Variants in MAPK10 observed in about 807,000 individuals in gnomAD.
The protein encoded by MAPK10 is mitogen-activated protein kinase 10.
In MAPK10, 25 loss-of-function variants were observed where a neutral mutation model predicts 59.3. The ratio of observed to expected loss-of-function variants is 0.42; its 90% CI spans 0.31 to 0.59. MAPK10 has a LOEUF of 0.59. Among genes scored for constraint, MAPK10 ranks in the 20% least tolerant of loss-of-function variants. The probability of loss-of-function intolerance (pLI) is 0.15; values close to 1 mark genes in which losing one functional copy is unlikely to be tolerated. For missense variants in MAPK10, 351 were observed against 568.9 expected, an observed-to-expected ratio of 0.62 and a Z score of 3.90; for synonymous variants, 190 against 200.5, an observed-to-expected ratio of 0.95 and a Z score of 0.44.
chr4:86,425,617 A>C (rs1010589986), intron 1 of MAPK10, among the ~76,000 whole-genome samples: 1 of 152,164 alleles, frequency 6.6e-6, no homozygotes, highest in African/African-American at 2.4e-5. Flanking sequence ...TTCCACAGCA[A>C]TGTCACAAAT....
intron 13 of MAPK10, among the ~76,000 whole-genome samples, chr4:86,019,298 A>G (rs530095103): frequency 6.6e-6 from 1 of 152,114 alleles, no homozygotes; most frequent in African/African-American, 2.4e-5. Context: ...AAGCTTATGA[A>G]TTTTTCATGT....
At chr4:86,237,508 C>T (rs138916273) in intron 2 of MAPK10, among the ~76,000 whole-genome samples, 1 of 152,300 alleles carries the variant, frequency 6.6e-6, no homozygotes, top group East Asian at 1.9e-4. Context: ...CACAGCCTCA[C>T]CAGCATCTAT....
chr4:86,218,143 A>G (rs576731495), intron 2 of MAPK10, among the ~76,000 whole-genome samples: 1 of 152,332 alleles, frequency 6.6e-6, no homozygotes, highest in Non-Finnish European at 1.5e-5. Context: ...TAAAAGGCCA[A>G]AATTAGTGCC....
chr4:86,538,238 C>A (rs541725087), intron 1 of MAPK10, among the ~76,000 whole-genome samples: 81 of 152,246 alleles, frequency 5.3e-4, no homozygotes, highest in Non-Finnish European at 9.9e-4. Flanking sequence ...CCTCTGCCTC[C>A]CAGGTTCAAG....
chr4:86,072,099 G>A (rs1192694339), intron 9 of MAPK10, among the ~76,000 whole-genome samples: 1 of 149,760 alleles, frequency 6.7e-6, no homozygotes, highest in South Asian at 2.1e-4. Flanking sequence ...CCTTGAAGAG[G>A]TCCTTCACAT....
At chr4:86,594,070 T>A (rs1455353506) in exon 1 of MAPK10, 1 of 152,278 alleles carries the variant, frequency 6.6e-6, no homozygotes, top group African/African-American at 2.4e-5. Flanking sequence ...CCTGAGCCTC[T>A]GGCTAGTCCG....
At position 86,507,655 on chromosome 4, in the gene MAPK10, T is replaced by TATAC. The variant is rs1554274997; in HGVS notation, c.-263+86254_-263+86255insGTAT. Among the ~76,000 whole-genome samples, 400 of 71,260 alleles carry TATAC rather than the reference T, an allele frequency of 5.6e-3. 22 individuals are homozygous for TATAC. The highest frequency in any genetic ancestry group is 0.012 in the South Asian group (25 of 2,004). 46.7% of individuals were successfully genotyped at this position (71,260 alleles called of 152,430 possible). ...ATATATATATATATATATATATATATATATATATATATATATAAAATCATG... is the reference window on the plus strand; with the variant it reads ...ATATATATATATATATATATATATATATACATATATATATATATATAAAATCATG... On this transcript the variant is annotated intron_variant, in intron 1 of 4. Coordinates refer to the MAPK10 transcript ENST00000502302.
intron 1 of MAPK10, among the ~76,000 whole-genome samples, chr4:86,499,012 C>T (rs946094778): frequency 6.6e-6 from 1 of 152,194 alleles, no homozygotes; most frequent in Admixed American, 6.5e-5. Context: ...TGGAATGGAT[C>T]ATTTGCTTTT....
Position 86,107,311 on chromosome 4 carries a change from T to C in MAPK10, c.278A>G (p.Lys93Arg). Residue 93 changes from lysine to arginine, a missense_variant, in exon 5 of 14, where the codon AAG (lysine) becomes AGG (arginine). By Grantham distance (26) the Lys-to-Arg change is conservative. Transcript: ENST00000641462. The stretch of plus-strand genomic sequence containing the variant: ...GTTCTGAAAGGGTCTGCTGAGCTTC[T>C]TAATGGCCACATTTCTGTCAAGGAC... ...DAVLDRNVAI[K>R]KLSRPFQNQT... is the part of the protein sequence containing the mutation. 6.2e-7 allele frequency: 1 copy of C among 1,613,348 alleles called. No homozygotes were observed. Among genetic ancestry groups the C allele is most frequent in the Non-Finnish European group, 8.5e-7 (1 of 1,179,502 alleles).
At chr4:86,505,356 A>G (rs1755662786) in intron 1 of MAPK10, among the ~76,000 whole-genome samples, 1 of 152,120 alleles carries the variant, frequency 6.6e-6, no homozygotes, top group African/African-American at 2.4e-5. Flanking sequence ...CACACCTATA[A>G]TCTCAACATT....
rs372590375 is a variant in MAPK10 at position 86,498,309 on chromosome 4, A to G, written c.-263+95601T>C. Among the ~76,000 whole-genome samples, 30 of 152,382 alleles carry G rather than the reference A, an allele frequency of 2.0e-4. No homozygotes were observed. The South Asian group carries it at 5.4e-3, about 27-fold the overall frequency. On this transcript the variant is annotated intron_variant, in intron 1 of 4. Transcript: ENST00000502302. The stretch of plus-strand genomic sequence containing the variant: ...CAGTCCTAGGAAACCTACTGTTACC[A>G]CACAACTGAGCCACATTCTTCAATA...
In MAPK10 at chr4:86,267,700, G is replaced by C. The variant is rs1374237576; in HGVS notation, c.-6-73293C>G. Among the ~76,000 whole-genome samples, 8 of 151,848 alleles carry C rather than the reference G, an allele frequency of 5.3e-5. 1 individual carries two copies. Among genetic ancestry groups the C allele is most frequent in the Non-Finnish European group, 1.2e-4 (8 of 67,984 alleles). Reference sequence around the variant, plus strand: ...TTGCACTTGCTTTTCACTCTGACTGGAACTCTTTCTCCTAGAAGCTCACAT... The same window carrying C: ...TTGCACTTGCTTTTCACTCTGACTGCAACTCTTTCTCCTAGAAGCTCACAT... On this transcript the variant is annotated intron_variant, in intron 2 of 13. Coordinates refer to ENST00000641462, the MANE Select transcript of MAPK10 (RefSeq NM_138982.4).
At chr4:86,094,552 GA>G (rs1414395029) in intron 9 of MAPK10, among the ~76,000 whole-genome samples, 1 of 151,794 alleles carries the variant, frequency 6.6e-6, no homozygotes, top group Non-Finnish European at 1.5e-5. Context: ...AAGTAGAATG[GA>G]AAAAATAAGG....
intron 2 of MAPK10, among the ~76,000 whole-genome samples, chr4:86,268,879 T>G (rs1014595979): frequency 1.3e-5 from 2 of 152,152 alleles, no homozygotes; most frequent in Non-Finnish European, 1.5e-5. Context: ...TTACAAAAAT[T>G]GTCTCCTCCA....
At position 86,177,635 on chromosome 4, in the gene MAPK10, T is replaced by C. The variant is rs187160762; in HGVS notation, c.66+16701A>G. Reference sequence around the variant, plus strand: ...TCTAGATGCTAGTAATCTCAACATATCATTTAAAATGAAATCGCTCCATGG... The same window carrying C: ...TCTAGATGCTAGTAATCTCAACATACCATTTAAAATGAAATCGCTCCATGG... On this transcript the variant is annotated intron_variant, in intron 3 of 13. Coordinates refer to ENST00000641462, the MANE Select transcript of MAPK10 (RefSeq NM_138982.4). Among the ~76,000 whole-genome samples, 4 of 152,200 alleles carry C rather than the reference T, an allele frequency of 2.6e-5. No homozygotes were observed. The East Asian group carries it at 7.7e-4, about 29-fold the overall frequency.
At chr4:86,236,863 CTTTA>C (rs1333626242) in intron 2 of MAPK10, among the ~76,000 whole-genome samples, 3 of 152,208 alleles carry the variant, frequency 2.0e-5, no homozygotes, top group African/African-American at 7.2e-5. Flanking sequence ...AGAATAGGTT[CTTTA>C]TTTTTTCTAA....
At chr4:86,171,791 A>G (rs1402474329) in intron 3 of MAPK10, among the ~76,000 whole-genome samples, 1 of 151,266 alleles carries the variant, frequency 6.6e-6, no homozygotes, top group Non-Finnish European at 1.5e-5. Context: ...TGAACAGGCA[A>G]CCTACAAAAT....
chr4:86,211,798 A>G (rs548600713), intron 2 of MAPK10, among the ~76,000 whole-genome samples: 2 of 152,262 alleles, frequency 1.3e-5, no homozygotes, highest in African/African-American at 4.8e-5. Flanking sequence ...AACATCAATA[A>G]CTAAATAAAG....
At chr4:86,199,592 G>A (rs1485868839) in intron 2 of MAPK10, among the ~76,000 whole-genome samples, 1 of 151,984 alleles carries the variant, frequency 6.6e-6, no homozygotes, top group African/African-American at 2.4e-5. Flanking sequence ...CACTGGGAAG[G>A]GGCGTGCAGG....
Sources: allele counts gnomAD v4.1 joint callset (sites outside exome capture counted in the v4.1 genomes callset), GRCh38; gene constraint gnomAD v4.1.1; transcripts MANE v1.5; gene names NCBI Gene and HGNC (gene_info 2026-07-23, HGNC 2026-07-21).